Variants in RARB observed in about 807,000 individuals in gnomAD.
The protein encoded by RARB is HBV-activated protein.
RARB carries 17 observed loss-of-function variants against 51.9 expected under a neutral mutation model. The observed-to-expected ratio is 0.33, with a 90% CI of 0.22 to 0.49. The LOEUF is 0.49. Among genes scored for constraint, RARB ranks in the 20% least tolerant of loss-of-function variants. RARB has a pLI of 0.99. For missense variants in RARB, 369 were observed against 550.8 expected (o/e 0.67, Z 3.30); for synonymous variants, 215 against 195.4 (o/e 1.10, Z -0.84).
chr3:25,154,532 A>G (rs1439221471), intron 4 of RARB, among the ~76,000 whole-genome samples: 1 of 152,124 alleles, frequency 6.6e-6, no homozygotes, highest in East Asian at 1.9e-4. Flanking sequence ...CTTTGCTACC[A>G]ATCCATTTTC....
At chr3:24,879,494 T>TTTTC (rs1396845150) in intron 2 of RARB, among the ~76,000 whole-genome samples, 4 of 149,680 alleles carry the variant, frequency 2.7e-5, no homozygotes, top group African/African-American at 9.8e-5. Flanking sequence ...ATTTTTTTTT[T>TTTTC]TTTTTTTTTC....
At chr3:25,159,066 A>G (rs1319852254) in intron 4 of RARB, among the ~76,000 whole-genome samples, 1 of 152,062 alleles carries the variant, frequency 6.6e-6, no homozygotes, top group Non-Finnish European at 1.5e-5. Flanking sequence ...TGAAAAAAAA[A>G]GAAAATGATA....
chr3:25,283,442 A>C (rs577641749), intron 5 of RARB, among the ~76,000 whole-genome samples: 2 of 152,322 alleles, frequency 1.3e-5, no homozygotes, highest in South Asian at 2.1e-4. Context: ...CCTGACCCCA[A>C]GTGGAAATTC....
At chr3:25,221,917 C>G (rs1417762671) in intron 5 of RARB, among the ~76,000 whole-genome samples, 1 of 152,174 alleles carries the variant, frequency 6.6e-6, no homozygotes, top group Non-Finnish European at 1.5e-5. Flanking sequence ...GTGCCAAAAA[C>G]ATGGTGCCAA....
intron 5 of RARB, among the ~76,000 whole-genome samples, chr3:25,325,145 A>G (rs892316965): frequency 1.3e-5 from 2 of 152,166 alleles, no homozygotes; most frequent in African/African-American, 4.8e-5. Context: ...GAGGCAGGCA[A>G]TTCCCAGAAC....
At chr3:25,160,712 G>A (rs1399653947) in intron 4 of RARB, among the ~76,000 whole-genome samples, 1 of 152,138 alleles carries the variant, frequency 6.6e-6, no homozygotes, top group Non-Finnish European at 1.5e-5. Flanking sequence ...TTATAGCTCT[G>A]GAGGTCAGAA....
intron 2 of RARB, among the ~76,000 whole-genome samples, chr3:25,034,302 C>A (rs1208320615): frequency 6.6e-6 from 1 of 152,110 alleles, no homozygotes; most frequent in Non-Finnish European, 1.5e-5. Flanking sequence ...ACAGGGAGAC[C>A]TTGTCACAAG....
intron 2 of RARB, among the ~76,000 whole-genome samples, chr3:24,947,812 T>G (rs910333249): frequency 1.3e-5 from 2 of 152,194 alleles, no homozygotes; most frequent in African/African-American, 4.8e-5. Flanking sequence ...ACACTGCCAT[T>G]TAGTAGCTCT....
At chr3:24,870,783 G>T (rs555682690) in intron 2 of RARB, among the ~76,000 whole-genome samples, 1 of 152,096 alleles carries the variant, frequency 6.6e-6, no homozygotes, top group East Asian at 1.9e-4. Context: ...ATATTTATAG[G>T]ATGCGTGCAA....
chr3:25,453,010 C>A (rs1046249008), intron 1 of RARB, among the ~76,000 whole-genome samples: 3 of 152,146 alleles, frequency 2.0e-5, no homozygotes, highest in African/African-American at 7.2e-5. Context: ...GATCTTAATG[C>A]ATTAAGTACT....
At position 25,132,737 on chromosome 3, in the gene RARB, C is replaced by G. The variant is rs555068638; in HGVS notation, c.-280+529C>G. 1.6e-3 allele frequency among the ~76,000 whole-genome samples: 237 copies of G among 151,932 alleles called. 3 individuals carry two copies. Among genetic ancestry groups the G allele is most frequent in the African/African-American group, 5.4e-3 (225 of 41,502 alleles). ...AAATAATGGCTTTTAAGTGTTCTCA[C>G]TACAATGAAATAAGTATTTGAGGTG... On this transcript the variant is annotated intron_variant, in intron 4 of 11. Coordinates refer to the RARB transcript ENST00000383772.
intron 4 of RARB, among the ~76,000 whole-genome samples, chr3:25,140,488 G>A (rs566511726): frequency 1.3e-5 from 2 of 152,292 alleles, no homozygotes; most frequent in Admixed American, 1.3e-4. Flanking sequence ...GGTTGCTACG[G>A]TCTCAAGATC....
chr3:25,256,428 G>C (rs1702866546), intron 5 of RARB, among the ~76,000 whole-genome samples: 1 of 152,072 alleles, frequency 6.6e-6, no homozygotes, highest in Non-Finnish European at 1.5e-5. Flanking sequence ...TAGAATGCAA[G>C]AGAAGCAATA....
intron 2 of RARB, among the ~76,000 whole-genome samples, chr3:24,985,587 C>G (rs1401178572): frequency 6.6e-6 from 1 of 152,108 alleles, no homozygotes; most frequent in Non-Finnish European, 1.5e-5. Context: ...ATGTCAAGAA[C>G]CCTTTGGTTT....
At chr3:25,504,188 A>G (rs1697452379) in intron 3 of RARB, among the ~76,000 whole-genome samples, 1 of 152,160 alleles carries the variant, frequency 6.6e-6, no homozygotes, top group Non-Finnish European at 1.5e-5. Context: ...CCAAAGGCAC[A>G]TGTTTGTTTT....
chr3:24,961,650 G>A (rs1050246499), intron 2 of RARB, among the ~76,000 whole-genome samples: 2 of 152,136 alleles, frequency 1.3e-5, no homozygotes, highest in East Asian at 1.9e-4. Context: ...GAGTTCTGAC[G>A]GTCCAGTTAT....
chr3:25,342,429 C>A (rs763332760), intron 5 of RARB, among the ~76,000 whole-genome samples: 1 of 152,174 alleles, frequency 6.6e-6, no homozygotes, highest in African/African-American at 2.4e-5. Context: ...GCTAGGACAG[C>A]CATTCAGTCT....
intron 5 of RARB, among the ~76,000 whole-genome samples, chr3:25,392,373 CT>C (rs34213569): frequency 0.17 from 25,310 of 150,566 alleles, 2,400 homozygotes; most frequent in Admixed American, 0.3. Context: ...GCTATGTGGG[CT>C]TTTTTTTTGG....
At chr3:25,067,534 A>C (rs532332630) in intron 3 of RARB, among the ~76,000 whole-genome samples, 5 of 152,288 alleles carry the variant, frequency 3.3e-5, no homozygotes, top group African/African-American at 9.6e-5. Flanking sequence ...TTCATTAATT[A>C]TTTGATGTAC....
Sources: gnomAD v4.1 joint callset for allele counts (sites outside exome capture counted in the v4.1 genomes callset) on GRCh38, gnomAD v4.1.1 for gene constraint, MANE v1.5 for transcripts, NCBI Gene and HGNC (gene_info 2026-07-23, HGNC 2026-07-21) for gene names.